RFX7: variants seen among roughly 807,000 people sequenced by gnomAD.
The protein encoded by RFX7 is regulatory factor X7.
Under a neutral mutation model 111.8 loss-of-function variants are expected in RFX7, and 26 were observed. The ratio of observed to expected loss-of-function variants is 0.23; its 90% CI spans 0.17 to 0.32. The LOEUF (loss-of-function observed/expected upper bound fraction) is 0.32, where lower values mean the gene tolerates loss of function less well. Ranked by LOEUF, RFX7 falls within the 10% of genes least tolerant of loss-of-function variation. RFX7 has a pLI of 1.00. For synonymous variants in RFX7, 624 were observed against 624.4 expected (o/e 1.00, Z 0.01); for missense variants, 1,573 against 1,772.9 (o/e 0.89, Z 2.02).
At chr15:56,242,930 TAAG>T (rs1393653784) in intron 2 of RFX7, among the ~76,000 whole-genome samples, 192 bp downstream of exon 2, 1 of 152,182 alleles carries the variant, frequency 6.6e-6, no homozygotes, top group East Asian at 1.9e-4. Flanking sequence ...ATTTTTTAGC[TAAG>T]AAGACAGGGG....
In RFX7 at chr15:56,212,271, G is replaced by A. The variant is rs181122197; in HGVS notation, c.161+30854C>T. On this transcript the variant is annotated intron_variant, in intron 2 of 9. Coordinates refer to ENST00000559447, the MANE Select transcript of RFX7 (RefSeq NM_022841.7). ...CAAATATAAAAAGGGTACATACTGT[G>A]TGATTACAACTATTGACATGCAGGG... Among the ~76,000 whole-genome samples, 157 of 152,248 alleles carry A rather than the reference G, an allele frequency of 1.0e-3. 1 individual carries two copies. Among genetic ancestry groups the A allele is most frequent in the African/African-American group, 3.7e-3 (153 of 41,550 alleles).
chr15:56,226,483 G>A (rs1268935429), intron 2 of RFX7, among the ~76,000 whole-genome samples: 1 of 152,084 alleles, frequency 6.6e-6, no homozygotes, highest in Non-Finnish European at 1.5e-5. Context: ...TACACCCTAG[G>A]GGAAATTAGT....
Position 56,144,424 on chromosome 15 carries a change from A to C in RFX7, c.255T>G (p.Ser85=). The stretch of plus-strand genomic sequence containing the variant: ...ACCTTTTCTCTCCATTGCTGAGACC[A>C]GAAGGCAGCTGAAGGTAGAGGTAGA... The part of the protein sequence containing the change: ...EKLYLYLQLP[S]GLSNGEKSDQ... The change falls in exon 4 of 10, where the codon TCT becomes TCG. Residue 85 remains serine, a synonymous_variant. Coordinates refer to ENST00000559447, the MANE Select transcript of RFX7 (RefSeq NM_022841.7). 1 of 1,365,558 alleles carries C rather than the reference A, an allele frequency of 7.3e-7. No individual in the cohort carries two copies. Among genetic ancestry groups the C allele is most frequent in the South Asian group, 1.1e-5 (1 of 87,942 alleles). The allele number at this position is 1,365,558 out of a possible 1,614,324, so 84.6% of individuals were successfully genotyped here.
At chr15:56,171,958 C>CA (rs1370908169) in intron 3 of RFX7, among the ~76,000 whole-genome samples, 2 of 152,134 alleles carry the variant, frequency 1.3e-5, no homozygotes, top group South Asian at 2.1e-4. Context: ...CAAATATAGA[C>CA]AAAATGCAAA....
rs1175073115 is a variant in RFX7, at chr15:56,096,295, ATTG to A, written c.1430_1432del (p.Thr477del). On this transcript the variant is annotated inframe_deletion, in exon 10 of 10. Transcript: ENST00000559447. ...GTTACTGTTGCTGGGTGTGAGGGAT[ATTG>A]TTGTCATTTTCACCACATTTAGAGA... is the stretch of plus-strand genomic sequence containing the variant. 3 of 1,613,914 alleles carry A rather than the reference ATTG, an allele frequency of 1.9e-6. No homozygotes were observed. Among genetic ancestry groups the A allele is most frequent in the Non-Finnish European group, 2.5e-6 (3 of 1,179,874 alleles).
chr15:56,121,616 AT>A (rs1313558069), intron 5 of RFX7, among the ~76,000 whole-genome samples: 4 of 152,052 alleles, frequency 2.6e-5, no homozygotes, highest in African/African-American at 9.7e-5. Context: ...TAAACTTTCT[AT>A]TCCTATCTCT....
At chr15:56,129,905 A>T (rs2042190782) in intron 5 of RFX7, among the ~76,000 whole-genome samples, 1 of 152,160 alleles carries the variant, frequency 6.6e-6, no homozygotes, top group African/African-American at 2.4e-5. Flanking sequence ...CCCAGGGTAC[A>T]ATTTGTAAAG....
intron 2 of RFX7, among the ~76,000 whole-genome samples, chr15:56,203,560 A>C (rs2043216888): frequency 6.6e-6 from 1 of 152,180 alleles, no homozygotes; most frequent in Non-Finnish European, 1.5e-5. Context: ...ACATTAAGGC[A>C]TTCTAAGTCA....
At chr15:56,180,532 A>T (rs1313536104) in intron 2 of RFX7, among the ~76,000 whole-genome samples, 1 of 152,088 alleles carries the variant, frequency 6.6e-6, no homozygotes, top group Non-Finnish European at 1.5e-5. Flanking sequence ...CTGAGATGTG[A>T]GAGTAATCTA....
chr15:56,125,941 G>A (rs1177853030), intron 5 of RFX7, among the ~76,000 whole-genome samples: 2 of 152,130 alleles, frequency 1.3e-5, no homozygotes, highest in African/African-American at 2.4e-5. Flanking sequence ...GCAGAGGGAA[G>A]CATTAAATAT....
intron 3 of RFX7, among the ~76,000 whole-genome samples, chr15:56,157,572 GA>G (rs1229498479): frequency 2.6e-5 from 4 of 152,016 alleles, no homozygotes; most frequent in Non-Finnish European, 5.9e-5. Flanking sequence ...TTCAATTTAG[GA>G]AAAAAACCTA....
chr15:56,110,065 C>G (rs2041894559), intron 5 of RFX7, among the ~76,000 whole-genome samples: 1 of 127,020 alleles, frequency 7.9e-6, no homozygotes, highest in Non-Finnish European at 1.7e-5. Flanking sequence ...CTCTGCCCAG[C>G]CAGCCGCCCC....
chr15:56,181,321 T>C (rs544940090), intron 2 of RFX7, among the ~76,000 whole-genome samples: 1 of 152,248 alleles, frequency 6.6e-6, no homozygotes, highest in Non-Finnish European at 1.5e-5. Flanking sequence ...CTCCATGTTA[T>C]CTTCAACAGA....
At chr15:56,135,365 G>A (rs1173997502) in intron 5 of RFX7, among the ~76,000 whole-genome samples, 5 of 152,202 alleles carry the variant, frequency 3.3e-5, no homozygotes, top group Non-Finnish European at 7.3e-5. Context: ...CTGATGGCCA[G>A]TGATGATGAG....
intron 5 of RFX7, among the ~76,000 whole-genome samples, chr15:56,134,731 C>T (rs186037715): frequency 1.5e-3 from 226 of 151,262 alleles, no homozygotes; most frequent in African/African-American, 5.4e-3. Context: ...AACTCGTCAT[C>T]TAGCATTAGG....
intron 5 of RFX7, among the ~76,000 whole-genome samples, chr15:56,114,492 T>C (rs1409712195): frequency 6.6e-6 from 1 of 151,934 alleles, no homozygotes; most frequent in East Asian, 1.9e-4. Context: ...TTTATCGTTT[T>C]CGTATTGTTC....
At chr15:56,214,910 T>TG (rs1376282203) in intron 2 of RFX7, among the ~76,000 whole-genome samples, 1 of 152,144 alleles carries the variant, frequency 6.6e-6, no homozygotes, top group Non-Finnish European at 1.5e-5. Context: ...TAACGTATGG[T>TG]AAGTTAGCTT....
intron 5 of RFX7, among the ~76,000 whole-genome samples, chr15:56,119,642 T>C (rs1419062455): frequency 6.6e-6 from 1 of 151,592 alleles, no homozygotes; most frequent in South Asian, 2.1e-4. Flanking sequence ...TTAGGCATGG[T>C]GGTGCGTGCC....
chr15:56,187,169 T>C (rs1180967622), intron 2 of RFX7, among the ~76,000 whole-genome samples: 1 of 151,320 alleles, frequency 6.6e-6, no homozygotes, highest in African/African-American at 2.4e-5. Context: ...AGGAAGCAAC[T>C]GGAAGGAAGT....
Sources: gnomAD v4.1 joint callset for allele counts (sites outside exome capture counted in the v4.1 genomes callset) on GRCh38, gnomAD v4.1.1 for gene constraint, MANE v1.5 for transcripts, NCBI Gene and HGNC (gene_info 2026-07-23, HGNC 2026-07-21) for gene names.